The following SH3KBP1 variants were observed in gnomAD, a reference collection of about 807,000 sequenced individuals.
SH3KBP1 encodes SH3 domain containing kinase binding protein 1.
In SH3KBP1, 8 loss-of-function variants were observed where a neutral mutation model predicts 50.1. The ratio of observed to expected loss-of-function variants is 0.16; its 90% confidence interval spans 0.09 to 0.29. SH3KBP1 has a LOEUF of 0.29. Ranked by LOEUF, SH3KBP1 falls within the 10% of genes least tolerant of loss-of-function variation. The pLI is 1.00. For missense variants in SH3KBP1, 377 were observed against 535.2 expected (o/e 0.70, Z 2.92); for synonymous variants, 227 against 218.6 (o/e 1.04, Z -0.34).
At chrX:19,883,677 G>A (rs985778853) in intron 1 of SH3KBP1, among the ~76,000 whole-genome samples, 2 of 111,350 alleles carry the variant, frequency 1.8e-5, no homozygotes, top group African/African-American at 6.6e-5. Context: ...GCCACTCTGC[G>A]ACCAGGATGG....
chrX:19,828,012 C>T (rs1265718241), intron 2 of SH3KBP1, among the ~76,000 whole-genome samples: 3 of 109,947 alleles, frequency 2.7e-5, no homozygotes, highest in Non-Finnish European at 5.7e-5. Context: ...ACACTCCCCC[C>T]CATCCCCCGC....
intron 8 of SH3KBP1, among the ~76,000 whole-genome samples, chrX:19,627,021 C>G (rs1281991029): frequency 1.8e-5 from 2 of 112,080 alleles, no homozygotes; most frequent in African/African-American, 6.5e-5. Context: ...TTGATGTCAT[C>G]AAATAGGCTT....
At chrX:19,788,797 T>C (rs747198392) in intron 2 of SH3KBP1, among the ~76,000 whole-genome samples, 28 of 111,853 alleles carry the variant, frequency 2.5e-4, no homozygotes, top group African/African-American at 8.8e-4. Flanking sequence ...CAACCCTCTT[T>C]GAAAAGGACT....
intron 1 of SH3KBP1, among the ~76,000 whole-genome samples, chrX:19,873,532 CGAGGT>C (rs2147548693): frequency 9.6e-6 from 1 of 103,917 alleles, no homozygotes; most frequent in Middle Eastern, 5.3e-3. Context: ...ATTAGCCGGG[CGAGGT>C]GGCAGGCACC....
chrX:19,565,121 G>C (rs1322722010), intron 13 of SH3KBP1, among the ~76,000 whole-genome samples: 1 of 98,299 alleles, frequency 1.0e-5, no homozygotes, highest in East Asian at 3.1e-4. Flanking sequence ...GAGTGCAGTG[G>C]TGCAATCTTG....
chrX:19,709,072 T>C (rs1455065889), intron 3 of SH3KBP1, among the ~76,000 whole-genome samples: 1 of 112,284 alleles, frequency 8.9e-6, no homozygotes, highest in African/African-American at 3.2e-5. Context: ...ACCCAATGGA[T>C]GTAGGACCTG....
intron 2 of SH3KBP1, among the ~76,000 whole-genome samples, chrX:19,829,355 A>G (rs2067789556): frequency 9.0e-6 from 1 of 111,515 alleles, no homozygotes; most frequent in South Asian, 3.7e-4. Flanking sequence ...AAACTAATGT[A>G]TGATGATCAA....
In SH3KBP1 at chrX:19,637,185, T is replaced by C. The variant is rs2061726842; in HGVS notation, c.803-5227A>G. 3.6e-5 allele frequency among the ~76,000 whole-genome samples: 4 copies of C among 112,467 alleles called. No homozygotes were observed. The South Asian group carries it at 1.5e-3, about 41-fold the overall frequency. On this transcript the variant is annotated intron_variant, in intron 7 of 17. Coordinates refer to ENST00000397821, the MANE Select transcript of SH3KBP1 (RefSeq NM_031892.3). ...GGGCTGCACCCAACCATTAAAATTCTGCAGTAAATGGATGACTGGTCACTC... is the reference window on the plus strand; with the variant it reads ...GGGCTGCACCCAACCATTAAAATTCCGCAGTAAATGGATGACTGGTCACTC...
intron 13 of SH3KBP1, among the ~76,000 whole-genome samples, chrX:19,551,782 G>T (rs1019437673): frequency 9.1e-6 from 1 of 109,825 alleles, no homozygotes; most frequent in Non-Finnish European, 1.9e-5. Context: ...ACTCTACCCT[G>T]GGACTCTCCT....
At chrX:19,872,733 A>C in intron 1 of SH3KBP1, among the ~76,000 whole-genome samples, 1 of 108,720 alleles carries the variant, frequency 9.2e-6, no homozygotes, top group Non-Finnish European at 1.9e-5. Flanking sequence ...CCGAGATCGC[A>C]CCACTGCACT....
intron 2 of SH3KBP1, among the ~76,000 whole-genome samples, chrX:19,834,965 G>C (rs568676445): frequency 9.2e-6 from 1 of 108,266 alleles, no homozygotes; most frequent in African/African-American, 3.4e-5. Flanking sequence ...AACCTGGGAG[G>C]TGGAGGTTGC....
chrX:19,843,002 C>T (rs1201303923), intron 1 of SH3KBP1, among the ~76,000 whole-genome samples: 2 of 101,885 alleles, frequency 2.0e-5, no homozygotes, highest in Non-Finnish European at 4.0e-5. Flanking sequence ...GATACTCGTG[C>T]ATCAACTTTT....
intron 14 of SH3KBP1, among the ~76,000 whole-genome samples, chrX:19,547,850 GA>G (rs1486513093): frequency 8.9e-6 from 1 of 112,529 alleles, no homozygotes; most frequent in Non-Finnish European, 1.9e-5. Context: ...ACTTGCCTAT[GA>G]AAAATCCACA....
At chrX:19,812,780 G>A (rs759549915) in intron 2 of SH3KBP1, among the ~76,000 whole-genome samples, 1 of 111,187 alleles carries the variant, frequency 9.0e-6, no homozygotes, top group East Asian at 2.8e-4. Flanking sequence ...TTCAAGACCA[G>A]CTTGGGCAAC....
At chrX:19,872,120 C>T (rs1267960092) in intron 1 of SH3KBP1, among the ~76,000 whole-genome samples, 4 of 108,071 alleles carry the variant, frequency 3.7e-5, no homozygotes, top group South Asian at 4.0e-4. Flanking sequence ...GGCATGGTGA[C>T]GCATGGCTGT....
At chrX:19,836,657 C>G (rs758348333) in intron 1 of SH3KBP1, among the ~76,000 whole-genome samples, 1 of 111,747 alleles carries the variant, frequency 8.9e-6, no homozygotes, top group Non-Finnish European at 1.9e-5. Context: ...GTCTCCCATC[C>G]CCCGCCAATA....
At chrX:19,848,575 TA>T (rs1224845759) in intron 1 of SH3KBP1, among the ~76,000 whole-genome samples, 1 of 112,288 alleles carries the variant, frequency 8.9e-6, no homozygotes, top group African/African-American at 3.2e-5. Context: ...CTGGTAAATT[TA>T]AAAAAAGAAT....
At chrX:19,597,405 T>C (rs1396123099) in intron 9 of SH3KBP1, among the ~76,000 whole-genome samples, 1 of 112,035 alleles carries the variant, frequency 8.9e-6, no homozygotes, top group Admixed American at 9.5e-5. Context: ...GCAGAGTAGA[T>C]TTAGCATAAT....
In SH3KBP1 at chrX:19,639,567, C is replaced by T. The variant is rs927064374; in HGVS notation, c.802+5833G>A. Among the ~76,000 whole-genome samples, 12 of 111,067 alleles carry T rather than the reference C, an allele frequency of 1.1e-4. No individual in the cohort carries two copies. The East Asian group carries it at 1.1e-3, about 10-fold the overall frequency. Reference sequence around the variant, plus strand: ...TTTGAAATGCAGATCTTAAGCCACACGGGTAGGCTGGGCACCCTCCTGGGA... The same window carrying T: ...TTTGAAATGCAGATCTTAAGCCACATGGGTAGGCTGGGCACCCTCCTGGGA... On this transcript the variant is annotated intron_variant, in intron 7 of 17. Coordinates refer to ENST00000397821, the MANE Select transcript of SH3KBP1 (RefSeq NM_031892.3).
Sources: gnomAD v4.1 joint callset for allele counts (sites outside exome capture counted in the v4.1 genomes callset) on GRCh38, gnomAD v4.1.1 for gene constraint, MANE v1.5 for transcripts, NCBI Gene and HGNC (gene_info 2026-07-23, HGNC 2026-07-21) for gene names.